HIPK2: variants seen among roughly 807,000 people sequenced by gnomAD.
The protein encoded by HIPK2 is homeodomain interacting protein kinase 2.
A neutral mutation model predicts 113.7 loss-of-function variants in HIPK2; 27 were observed. The ratio of observed to expected loss-of-function variants is 0.24; its 90% CI spans 0.17 to 0.33. HIPK2 has a LOEUF of 0.33. HIPK2 is among the 10% of genes least tolerant of loss of function. HIPK2 has a pLI of 1.00. For synonymous variants in HIPK2, 631 were observed against 642.2 expected (o/e 0.98, Z 0.26); for missense variants, 1,257 against 1,588.0 (o/e 0.79, Z 3.54).
In HIPK2 at chr7:139,777,539, A is replaced by C. The variant is rs931772667; in HGVS notation, c.19+66T>G. 9 of 747,430 alleles carry C rather than the reference A, an allele frequency of 1.2e-5. No individual in the cohort carries two copies. In the African/African-American group the frequency reaches 1.5e-4, roughly 13 times the overall value. 46.3% of individuals were successfully genotyped at this position (747,430 alleles called of 1,614,324 possible). Reference sequence around the variant, plus strand: ...GGGCTGCGGGCGCGGGGCCGCGGGCAGAACAAAGCTGCGGGGGCCGCGGAG... The same window carrying C: ...GGGCTGCGGGCGCGGGGCCGCGGGCCGAACAAAGCTGCGGGGGCCGCGGAG... On this transcript the variant is annotated intron_variant, in intron 1 of 14. Coordinates refer to ENST00000406875, the MANE Select transcript of HIPK2 (RefSeq NM_022740.5).
At position 139,701,069 on chromosome 7, in the gene HIPK2, G is replaced by C. The variant is rs1400190348; in HGVS notation, c.1103+14863C>G. On this transcript the variant is annotated intron_variant, in intron 2 of 14. Transcript: ENST00000406875. Reference sequence around the variant, plus strand: ...TCAGCGCCAGCACCAAACTAACTGGGACCTGCATGGCGTCCTGTGGGGAGC... The same window carrying C: ...TCAGCGCCAGCACCAAACTAACTGGCACCTGCATGGCGTCCTGTGGGGAGC... Among the ~76,000 whole-genome samples, 5 of 152,188 alleles carry C rather than the reference G, an allele frequency of 3.3e-5. No individual in the cohort carries two copies. The South Asian group carries it at 8.3e-4, about 25-fold the overall frequency.
chr7:139,764,844 T>C (rs1796527084), intron 1 of HIPK2, among the ~76,000 whole-genome samples: 1 of 152,256 alleles, frequency 6.6e-6, no homozygotes, highest in East Asian at 1.9e-4. Context: ...TATAAAAGTA[T>C]TATACTTTAG....
At chr7:139,651,118 T>G (rs1389072443) in intron 2 of HIPK2, among the ~76,000 whole-genome samples, 1 of 152,144 alleles carries the variant, frequency 6.6e-6, no homozygotes, top group African/African-American at 2.4e-5. Flanking sequence ...CCAACAAGCC[T>G]TAGGTCAGCA....
At chr7:139,669,883 C>T (rs1451494389) in intron 2 of HIPK2, among the ~76,000 whole-genome samples, 1 of 152,156 alleles carries the variant, frequency 6.6e-6, no homozygotes, top group African/African-American at 2.4e-5. Flanking sequence ...GAAAGCCAGG[C>T]ACTAGAGTAC....
intron 2 of HIPK2, among the ~76,000 whole-genome samples, chr7:139,693,233 A>T (rs1007202057): frequency 6.6e-6 from 1 of 152,242 alleles, no homozygotes; most frequent in African/African-American, 2.4e-5. Flanking sequence ...GAGAAAATGC[A>T]TGTAAAATTC....
chr7:139,686,481 C>G (rs1233364599), intron 2 of HIPK2, among the ~76,000 whole-genome samples: 3 of 152,126 alleles, frequency 2.0e-5, no homozygotes, highest in Non-Finnish European at 4.4e-5. Context: ...TGAGAGGGAC[C>G]TGGTGGGAGG....
chr7:139,647,523 G>T (rs1569463611), intron 2 of HIPK2, among the ~76,000 whole-genome samples: 1 of 152,172 alleles, frequency 6.6e-6, no homozygotes, highest in East Asian at 1.9e-4. Context: ...AATGTGAATA[G>T]AAACCTATAA....
chr7:139,772,243 A>G (rs183918336), intron 1 of HIPK2, among the ~76,000 whole-genome samples: 1 of 152,344 alleles, frequency 6.6e-6, no homozygotes, highest in East Asian at 1.9e-4. Context: ...GTGCCACACA[A>G]CTACCTGGAA....
At chr7:139,587,861 A>G (rs1421765073) in intron 12 of HIPK2, among the ~76,000 whole-genome samples, 1 of 149,898 alleles carries the variant, frequency 6.7e-6, no homozygotes, top group East Asian at 2.0e-4. Flanking sequence ...GTGGGTGACA[A>G]AGAGACCTAC....
At position 139,572,898 on chromosome 7, in the gene HIPK2, T is replaced by TGCCC; in HGVS notation, c.*28_*29insGGGC. The TGCCC allele has an allele frequency of 2.5e-6, 1 of 407,280 alleles. No individual in the cohort carries two copies. The highest frequency in any genetic ancestry group is 4.8e-6 in the Non-Finnish European group (1 of 206,378). The allele number at this position is 407,280 out of a possible 1,614,324, so 25.2% of individuals were successfully genotyped here. Reference sequence around the variant, plus strand: ...CTCCTCCCTCGGGCCATTCTCTCCCTCCCTCCCTCCCTCCCTCCCCTCCAG... The same window carrying TGCCC: ...CTCCTCCCTCGGGCCATTCTCTCCCTGCCCCCCTCCCTCCCTCCCTCCCCTCCAG... On this transcript the variant is annotated 3_prime_UTR_variant, in exon 15 of 15. Coordinates refer to ENST00000406875, the MANE Select transcript of HIPK2 (RefSeq NM_022740.5).
intron 1 of HIPK2, among the ~76,000 whole-genome samples, chr7:139,752,793 C>G (rs1450692760): frequency 6.6e-6 from 1 of 152,048 alleles, no homozygotes; most frequent in East Asian, 1.9e-4. Flanking sequence ...GCCACACAGC[C>G]CTGCTGAAGC....
chr7:139,748,402 TTTA>T (rs1291724364), intron 1 of HIPK2, among the ~76,000 whole-genome samples: 1 of 152,084 alleles, frequency 6.6e-6, no homozygotes, highest in Non-Finnish European at 1.5e-5. Context: ...ATCAACACAA[TTTA>T]TTATCTCACA....
intron 2 of HIPK2, among the ~76,000 whole-genome samples, chr7:139,665,166 T>C (rs1367664295): frequency 6.6e-6 from 1 of 152,048 alleles, no homozygotes; most frequent in Non-Finnish European, 1.5e-5. Flanking sequence ...GCCTCCTGAG[T>C]AGCGGGGACT....
chr7:139,603,834 A>G (rs1263014691), intron 10 of HIPK2, among the ~76,000 whole-genome samples: 1 of 152,208 alleles, frequency 6.6e-6, no homozygotes, highest in African/African-American at 2.4e-5. Flanking sequence ...ACATAACTGA[A>G]TTCTGGGTGG....
chr7:139,610,590 T>C (rs1183101229), intron 9 of HIPK2, among the ~76,000 whole-genome samples: 1 of 152,260 alleles, frequency 6.6e-6, no homozygotes, highest in Non-Finnish European at 1.5e-5. Flanking sequence ...CTTTGTGTGC[T>C]ACCAGTCACT....
chr7:139,737,978 C>T (rs1466036555), intron 1 of HIPK2, among the ~76,000 whole-genome samples: 2 of 152,198 alleles, frequency 1.3e-5, no homozygotes, highest in African/African-American at 4.8e-5. Flanking sequence ...TCAACCTGGG[C>T]TCCAGGGCCC....
chr7:139,756,583 C>A (rs1796366801), intron 1 of HIPK2, among the ~76,000 whole-genome samples: 1 of 152,154 alleles, frequency 6.6e-6, no homozygotes, highest in Non-Finnish European at 1.5e-5. Flanking sequence ...TGCCACCATG[C>A]CTGGCTAATT....
At position 139,631,478 on chromosome 7, in the gene HIPK2, T is replaced by A. The variant is rs1006191801; in HGVS notation, c.1227+124A>T. 6.8e-6 allele frequency: 10 copies of A among 1,464,744 alleles called. No individual in the cohort carries two copies. In the African/African-American group the frequency reaches 1.4e-4, roughly 21 times the overall value. 90.7% of individuals were successfully genotyped at this position (1,464,744 alleles called of 1,614,324 possible). On this transcript the variant is annotated intron_variant, in intron 3 of 14. Transcript: ENST00000406875. This position sits in a 1 kb window ranked among gnomAD's most constrained non-coding sequence, Gnocchi z 4.9. The stretch of plus-strand genomic sequence containing the variant: ...AATAGCAAGGTTAAGGGAAGCAAGG[T>A]TTGGGAGACAACGTGACATTCCACA...
At chr7:139,705,826 T>TAAAAAAAAAAAAAAAAAAAAAAAAAAAA (rs1010543995) in intron 2 of HIPK2, among the ~76,000 whole-genome samples, 1 of 105,348 alleles carries the variant, frequency 9.5e-6, no homozygotes, top group African/African-American at 3.6e-5. Flanking sequence ...AAAAGATTAG[T>TAAAAAAAAAAAAAAAAAAAAAAAAAAAA]AAAAAAAAAA....
Sources: gnomAD v4.1 joint callset for allele counts (sites outside exome capture counted in the v4.1 genomes callset) on GRCh38, gnomAD v4.1.1 for gene constraint, Gnocchi (gnomAD v3.1) non-coding constraint, MANE v1.5 for transcripts, NCBI Gene and HGNC (gene_info 2026-07-23, HGNC 2026-07-21) for gene names.